KIAA1614: variants seen among roughly 807,000 people sequenced by gnomAD.
KIAA1614 encodes the protein uncharacterized protein KIAA1614.
In KIAA1614, 76 loss-of-function variants were observed where a neutral mutation model predicts 88.7. The ratio of observed to expected loss-of-function variants is 0.86; its 90% confidence interval spans 0.71 to 1.04. KIAA1614 has a LOEUF of 1.04. Ranked by LOEUF, KIAA1614 falls within the 50% of genes least tolerant of loss-of-function variation. The pLI, the probability that KIAA1614 is intolerant of heterozygous loss-of-function variation, is 0.00. For synonymous variants in KIAA1614, 714 were observed against 675.5 expected (o/e 1.06, Z -0.88); for missense variants, 1,553 against 1,582.5 (o/e 0.98, Z 0.32).
At position 180,936,675 on chromosome 1, in the gene KIAA1614, G is replaced by A. The variant is rs1177362277; in HGVS notation, c.2761+5G>A. ...CCCTGGAGAACAGCAGAGATGGTAAGGGGCTGCCGCTGGTTCCTGCCCAGC... is the reference window on the plus strand; with the variant it reads ...CCCTGGAGAACAGCAGAGATGGTAAAGGGCTGCCGCTGGTTCCTGCCCAGC... On this transcript the variant is annotated splice_donor_5th_base_variant and intron_variant, in intron 5 of 8. Transcript: ENST00000367588. The A allele has an allele frequency of 2.0e-6, 3 of 1,487,546 alleles. No individual in the cohort carries two copies. In the African/African-American group the frequency reaches 4.2e-5, roughly 21 times the overall value. The allele number at this position is 1,487,546 out of a possible 1,614,324, so 92.1% of individuals were successfully genotyped here.
At chr1:180,943,548 A>ATTTTTTTTTTTTTTTTT (rs201999726) in intron 7 of KIAA1614, among the ~76,000 whole-genome samples, 1,076 of 74,708 alleles carry the variant, frequency 0.014, 230 homozygotes, top group African/African-American at 0.04. Flanking sequence ...ATGGTAGTAG[A>ATTTTTTTTTTTTTTTTT]TCTTTTTTTT....
intron 3 of KIAA1614, among the ~76,000 whole-genome samples, chr1:180,925,773 G>A (rs1246574556): frequency 1.3e-5 from 2 of 152,222 alleles, no homozygotes; most frequent in Non-Finnish European, 2.9e-5. Context: ...GGAAGGGCCA[G>A]CATACTCTAG....
chr1:180,928,992 TGCACTGGCAAGCAGTGCAAGATAG>T lies in KIAA1614; in HGVS notation c.1205+434_1205+457del, dbSNP rs1571291668. 4.6e-5 allele frequency among the ~76,000 whole-genome samples: 7 copies of T among 152,348 alleles called. No individual in the cohort carries two copies. In the East Asian group the frequency reaches 1.2e-3, roughly 25 times the overall value. ...CTGAGGCTTGACGGAAGTATAGATATGCACTGGCAAGCAGTGCAAGATAGGCACTGGCAAGCAGGCTTAGTGAGG... is the reference window on the plus strand; with the variant it reads ...CTGAGGCTTGACGGAAGTATAGATATGCACTGGCAAGCAGGCTTAGTGAGG... On this transcript the variant is annotated intron_variant, in intron 4 of 8. Transcript: ENST00000367588.
chr1:180,939,424 C>T (rs2102273392), intron 6 of KIAA1614, among the ~76,000 whole-genome samples: 1 of 152,304 alleles, frequency 6.6e-6, no homozygotes, highest in South Asian at 2.1e-4. Flanking sequence ...TGTCCCCTTC[C>T]CGGCAAACAC....
At chr1:180,945,240 G>T in intron 8 of KIAA1614, 63 bp from the exon 9 acceptor site, 3 of 1,515,070 alleles carry the variant, frequency 2.0e-6, no homozygotes, top group Non-Finnish European at 2.6e-6. Flanking sequence ...CTGTAAGCCA[G>T]GGAAGAGCTG....
chr1:180,938,526 A>C (rs1337794648), intron 5 of KIAA1614, 29 bp from the exon 6 acceptor site: 1 of 1,610,658 alleles, frequency 6.2e-7, no homozygotes, highest in East Asian at 2.2e-5. Flanking sequence ...AGCCGGTCTG[A>C]CTCAGGTGGG....
At chr1:180,921,277 G>A (rs1653948106) in intron 3 of KIAA1614, among the ~76,000 whole-genome samples, 3 of 152,260 alleles carry the variant, frequency 2.0e-5, no homozygotes, top group African/African-American at 7.2e-5. Context: ...AATTTCACAA[G>A]GTAATGTCAT....
chr1:180,926,708 C>T (rs1323553323), intron 3 of KIAA1614, among the ~76,000 whole-genome samples: 2 of 152,216 alleles, frequency 1.3e-5, no homozygotes, highest in African/African-American at 2.4e-5. Flanking sequence ...CAGCCAGAGG[C>T]CCACGGCTGC....
chr1:180,917,522 G>A (rs1195128975), intron 2 of KIAA1614, among the ~76,000 whole-genome samples: 1 of 152,108 alleles, frequency 6.6e-6, no homozygotes, highest in African/African-American at 2.4e-5. Flanking sequence ...TAGCAGCTGG[G>A]CTGAGCTCAG....
intron 6 of KIAA1614, among the ~76,000 whole-genome samples, chr1:180,939,375 G>T (rs10914140): frequency 3.3e-5 from 5 of 152,096 alleles, no homozygotes; most frequent in Non-Finnish European, 4.4e-5. Flanking sequence ...GGGGTCTGAT[G>T]GGCCTCTCAA....
chr1:180,917,218 C>G, intron 2 of KIAA1614, 118 bp downstream of exon 2: 1 of 743,214 alleles, frequency 1.3e-6, no homozygotes, highest in Middle Eastern at 3.9e-4. Context: ...GAGAGCCTGA[C>G]AGTTGCCTGT....
intron 3 of KIAA1614, among the ~76,000 whole-genome samples, chr1:180,922,968 G>A (rs1464823064): frequency 6.6e-6 from 1 of 152,186 alleles, no homozygotes; most frequent in Non-Finnish European, 1.5e-5. Flanking sequence ...CCTTCCTTGG[G>A]TTTAATTTTA....
rs776601329 is a variant in KIAA1614 at position 180,935,181 on chromosome 1, C to T, written c.1272C>T (p.Asn424=). The change falls in exon 5 of 9, where the codon AAC becomes AAT. Residue 424 remains asparagine, a synonymous_variant. Coordinates refer to ENST00000367588, the MANE Select transcript of KIAA1614 (RefSeq NM_020950.2). This position sits in a 1 kb window ranked among gnomAD's most constrained non-coding sequence, Gnocchi z 6.1. ...CTGCCTGCAGAGACAGCCTCCAGAA[C>T]GGGCACACGAGCGATTCCTCCAGCG... ...TTPACRDSLQ[N]GHTSDSSSGE... 7 of 1,476,670 alleles carry T rather than the reference C, an allele frequency of 4.7e-6. No individual in the cohort carries two copies. Among genetic ancestry groups the T allele is most frequent in the Non-Finnish European group, 6.3e-6 (7 of 1,114,360 alleles). The allele number at this position is 1,476,670 out of a possible 1,614,324, so 91.5% of individuals were successfully genotyped here.
intron 7 of KIAA1614, among the ~76,000 whole-genome samples, chr1:180,941,665 C>T (rs1167376492): frequency 1.3e-5 from 2 of 152,238 alleles, no homozygotes; most frequent in Admixed American, 6.5e-5. Flanking sequence ...CCTCAGCAGT[C>T]CCTTGACTGG....
intron 4 of KIAA1614, among the ~76,000 whole-genome samples, chr1:180,931,515 T>C (rs1188471880): frequency 6.6e-6 from 1 of 152,238 alleles, no homozygotes; most frequent in Non-Finnish European, 1.5e-5. Flanking sequence ...GCTCAACGCT[T>C]AGCTGCCTCA....
In KIAA1614 at chr1:180,936,493, A is replaced by G. The variant is rs755073791; in HGVS notation, c.2584A>G (p.Thr862Ala). 1.2e-6 allele frequency: 2 copies of G among 1,613,830 alleles called. No homozygotes were observed. Among genetic ancestry groups the G allele is most frequent in the South Asian group, 2.2e-5 (2 of 91,006 alleles). ...LRTCELPPSQ[T>A]QPSRPQVRHP... ...GACCTGTGAGCTGCCCCCATCACAG[A>G]CCCAGCCCAGCCGCCCTCAGGTCAG... The change falls in exon 5 of 9, where the codon ACC becomes GCC. Residue 862 changes from threonine to alanine, a missense_variant. By Grantham distance (58) the Thr-to-Ala change is moderately conservative. Coordinates refer to ENST00000367588, the MANE Select transcript of KIAA1614 (RefSeq NM_020950.2).
At position 180,935,252 on chromosome 1, in the gene KIAA1614, C is replaced by G. The variant is rs1282564030; in HGVS notation, c.1343C>G (p.Ser448Trp). The part of the protein sequence containing the change: ...GHRPRRGPSP[S>W]HVRFEDESAR... ...AGGCCGAGGCGGGGCCCCTCGCCGT[C>G]GCACGTGCGCTTTGAGGATGAGTCC... The change falls in exon 5 of 9, where the codon TCG (serine) becomes TGG (tryptophan). Residue 448 changes from serine to tryptophan, a missense_variant. Coordinates refer to ENST00000367588, the MANE Select transcript of KIAA1614 (RefSeq NM_020950.2). The surrounding 1 kb of genome is among the most constrained non-coding windows in gnomAD (Gnocchi z 6.1). 6.6e-7 allele frequency: 1 copy of G among 1,524,702 alleles called. No homozygotes were observed. Among genetic ancestry groups the G allele is most frequent in the Non-Finnish European group, 8.8e-7 (1 of 1,139,788 alleles). 94.4% of individuals were successfully genotyped at this position (1,524,702 alleles called of 1,614,324 possible). A position where few individuals can be genotyped will look rare whatever the true frequency, so the allele number is the denominator to read the frequency against.
chr1:180,924,302 C>T (rs989541130), intron 3 of KIAA1614, among the ~76,000 whole-genome samples: 5 of 152,228 alleles, frequency 3.3e-5, no homozygotes, highest in African/African-American at 7.2e-5. Flanking sequence ...GGTCCCCCAT[C>T]GGAGGGCATC....
At chr1:180,928,648 C>T in intron 4 of KIAA1614, 75 bp downstream of exon 4, 1 of 1,466,076 alleles carries the variant, frequency 6.8e-7, no homozygotes, top group Admixed American at 2.1e-5. Context: ...GAAGTGGGAT[C>T]TAGCCAAATG....
Sources: allele counts gnomAD v4.1 joint callset (sites outside exome capture counted in the v4.1 genomes callset), GRCh38; gene constraint gnomAD v4.1.1; non-coding constraint Gnocchi (gnomAD v3.1); transcripts MANE v1.5; gene names NCBI Gene and HGNC (gene_info 2026-07-23, HGNC 2026-07-21).